CCR2: variants seen among roughly 807,000 people sequenced by gnomAD.
CCR2 encodes the protein C-C chemokine receptor type 2.
For missense variants in CCR2, 408 were observed against 440.0 expected (o/e 0.93, Z 0.65); for synonymous variants, 183 against 177.1 (o/e 1.03, Z -0.27).
In CCR2 at chr3:46,358,778, G is replaced by T; in HGVS notation, c.*168G>T. 7.1e-7 allele frequency: 1 copy of T among 1,416,116 alleles called. No homozygotes were observed. The highest frequency in any genetic ancestry group is 9.2e-7 in the Non-Finnish European group (1 of 1,081,696). The allele number at this position is 1,416,116 out of a possible 1,614,324, so 87.7% of individuals were successfully genotyped here. ...GTCACCCAATGCATATCCAACATGT[G>T]CTCAGGGAATAATCCAGAAAAACTG... On this transcript the variant is annotated 3_prime_UTR_variant, in exon 2 of 2. Transcript: ENST00000445132.
rs1393017501 is a variant in CCR2 at position 46,360,834 on chromosome 3, A to G, written c.*2224A>G. On this transcript the variant is annotated 3_prime_UTR_variant, in exon 2 of 2. Coordinates refer to ENST00000445132, the MANE Select transcript of CCR2 (RefSeq NM_001123396.4). Reference sequence around the variant, plus strand: ...ATATTTGTATGATCCTAATGAATGCATAAAATGTTAAGTTGATGGTGATGA... The same window carrying G: ...ATATTTGTATGATCCTAATGAATGCGTAAAATGTTAAGTTGATGGTGATGA... The G allele has an allele frequency of 3.9e-5, 6 of 152,262 alleles. No individual in the cohort carries two copies. The highest frequency in any genetic ancestry group is 1.4e-4 in the African/African-American group (6 of 41,474). 9.4% of individuals were successfully genotyped at this position (152,262 alleles called of 1,614,324 possible).
rs1220722195 is a variant in CCR2, at chr3:46,360,905, A to G, written c.*2295A>G. ...CAACTATGATTTGGAAAATAAATCAATGCTATAACTATGTTGATAAAAGAT... is the reference window on the plus strand; with the variant it reads ...CAACTATGATTTGGAAAATAAATCAGTGCTATAACTATGTTGATAAAAGAT... On this transcript the variant is annotated 3_prime_UTR_variant, in exon 2 of 2. Transcript: ENST00000445132. 6.6e-6 allele frequency: 1 copy of G among 152,262 alleles called. No homozygotes were observed. Among genetic ancestry groups the G allele is most frequent in the Non-Finnish European group, 1.5e-5 (1 of 68,048 alleles). The allele number at this position is 152,262 out of a possible 1,614,324, so 9.4% of individuals were successfully genotyped here.
At chr3:46,355,215 G>T (rs3918378) in intron 1 of CCR2, among the ~76,000 whole-genome samples, 8,839 of 152,182 alleles carry the variant, frequency 0.058, 845 homozygotes, top group African/African-American at 0.2. Flanking sequence ...AGTGTTATGT[G>T]ATAAGAGTAA....
In CCR2 at chr3:46,359,965, G is replaced by A; in HGVS notation, c.*1355G>A. Reference sequence around the variant, plus strand: ...GTCTACGTTACCAGGCAGGAAGGCTGAGAGGAGAGAGACTCCAGCTGGGTT... The same window carrying A: ...GTCTACGTTACCAGGCAGGAAGGCTAAGAGGAGAGAGACTCCAGCTGGGTT... On this transcript the variant is annotated 3_prime_UTR_variant, in exon 2 of 2. Transcript: ENST00000445132. The A allele has an allele frequency of 9.2e-7, 1 of 1,081,746 alleles. No individual in the cohort carries two copies. Among genetic ancestry groups the A allele is most frequent in the Non-Finnish European group, 1.3e-6 (1 of 748,086 alleles). 67.0% of individuals were successfully genotyped at this position (1,081,746 alleles called of 1,614,324 possible). A position where few individuals can be genotyped will look rare whatever the true frequency, so the allele number is the denominator to read the frequency against.
chr3:46,354,555 C>T (rs750675458), intron 1 of CCR2, among the ~76,000 whole-genome samples: 8 of 152,166 alleles, frequency 5.3e-5, no homozygotes, highest in Non-Finnish European at 1.2e-4. Flanking sequence ...GTGTCCCTTG[C>T]CTCAACTCAG....
Position 46,360,656 on chromosome 3 carries a change from T to C in CCR2, c.*2046T>C, listed in dbSNP as rs1333198698. ...AATGTTCTTATGTTGCCCAGTGTGT[T>C]TCTGATCTGATGCAAGCAAGAAACA... On this transcript the variant is annotated 3_prime_UTR_variant, in exon 2 of 2. Transcript: ENST00000445132. The C allele has an allele frequency of 6.6e-6, 1 of 152,182 alleles. No individual in the cohort carries two copies. Among genetic ancestry groups the C allele is most frequent in the African/African-American group, 2.4e-5 (1 of 41,444 alleles). The allele number at this position is 152,182 out of a possible 1,614,324, so 9.4% of individuals were successfully genotyped here.
At position 46,358,392 on chromosome 3, in the gene CCR2, G is replaced by A; in HGVS notation, c.865G>A (p.Val289Met). 2 of 1,614,102 alleles carry A rather than the reference G, an allele frequency of 1.2e-6. No homozygotes were observed. The highest frequency in any genetic ancestry group is 3.3e-4 in the Middle Eastern group (2 of 6,062). ...CAGTCAACTGGACCAAGCCACGCAG[G>A]TGACAGAGACTCTTGGGATGACTCA... is the stretch of plus-strand genomic sequence containing the variant. The part of the protein sequence containing the change: ...STSQLDQATQ[V>M]TETLGMTHCC... The change falls in exon 2 of 2, where the codon GTG becomes ATG. Residue 289 changes from valine (V) to methionine (M), a missense_variant. Physicochemically the swap from Val to Met is conservative, Grantham distance 21 (BLOSUM62 1). Transcript: ENST00000445132.
chr3:46,356,181 T>G (rs1701448429), intron 1 of CCR2, among the ~76,000 whole-genome samples: 1 of 152,218 alleles, frequency 6.6e-6, no homozygotes, highest in Non-Finnish European at 1.5e-5. Context: ...GAAATTCAAC[T>G]CTAAGGCTTA....
rs765450675 is a variant in CCR2 at position 46,359,864 on chromosome 3, C to G, written c.*1254C>G. On this transcript the variant is annotated 3_prime_UTR_variant, in exon 2 of 2. Transcript: ENST00000445132. ...TCAGGACAAAGAAGGAGCCTAGAGACAGAAATGACAGATCTCTGCTTTGGA... is the reference window on the plus strand; with the variant it reads ...TCAGGACAAAGAAGGAGCCTAGAGAGAGAAATGACAGATCTCTGCTTTGGA... 6.2e-7 allele frequency: 1 copy of G among 1,611,370 alleles called. No homozygotes were observed. The highest frequency in any genetic ancestry group is 1.1e-5 in the South Asian group (1 of 90,756).
Position 46,358,828 on chromosome 3 carries a change from A to G in CCR2, c.*218A>G. The stretch of plus-strand genomic sequence containing the variant: ...GTGGGTAGAGACTTTGACTCTCCAG[A>G]AAGCTCATCTCAGCTCCTGAAAAAT... On this transcript the variant is annotated 3_prime_UTR_variant, in exon 2 of 2. Transcript: ENST00000445132. 1 of 1,331,578 alleles carries G rather than the reference A, an allele frequency of 7.5e-7. No individual in the cohort carries two copies. Among genetic ancestry groups the G allele is most frequent in the South Asian group, 2.1e-5 (1 of 47,334 alleles). 82.5% of individuals were successfully genotyped at this position (1,331,578 alleles called of 1,614,324 possible). A position where few individuals can be genotyped will look rare whatever the true frequency, so the allele number is the denominator to read the frequency against.
intron 1 of CCR2, chr3:46,355,083 G>C (rs1701427698): frequency 6.6e-6 from 1 of 152,192 alleles, no homozygotes; most frequent in Non-Finnish European, 1.5e-5. Context: ...AACATTTATT[G>C]GTGCCTCCTT....
Position 46,359,002 on chromosome 3 carries a change from G to A in CCR2, c.*392G>A. On this transcript the variant is annotated 3_prime_UTR_variant, in exon 2 of 2. Coordinates refer to ENST00000445132, the MANE Select transcript of CCR2 (RefSeq NM_001123396.4). Reference sequence around the variant, plus strand: ...CAGATGAATGGGAGTGAGGGATAGTGGGGTCAGGGCTGAGAGGAGAAGGAG... The same window carrying A: ...CAGATGAATGGGAGTGAGGGATAGTAGGGTCAGGGCTGAGAGGAGAAGGAG... 4 of 1,047,994 alleles carry A rather than the reference G, an allele frequency of 3.8e-6. No homozygotes were observed. Among genetic ancestry groups the A allele is most frequent in the Non-Finnish European group, 4.7e-6 (4 of 858,782 alleles). The allele number at this position is 1,047,994 out of a possible 1,614,324, so 64.9% of individuals were successfully genotyped here. A position where few individuals can be genotyped will look rare whatever the true frequency, so the allele number is the denominator to read the frequency against.
In CCR2 at chr3:46,357,901, T is replaced by G. The variant is rs1411421663; in HGVS notation, c.374T>G (p.Phe125Cys). The G allele has an allele frequency of 1.2e-6, 2 of 1,614,218 alleles. No individual in the cohort carries two copies. The highest frequency in any genetic ancestry group is 2.2e-5 in the South Asian group (2 of 91,090). Residue 125 changes from phenylalanine (F) to cysteine (C), a missense_variant, in exon 2 of 2, where the codon TTT (phenylalanine) becomes TGT (cysteine). Coordinates refer to ENST00000445132, the MANE Select transcript of CCR2 (RefSeq NM_001123396.4). Reference sequence around the variant, plus strand: ...ACAGGGCTGTATCACATCGGTTATTTTGGCGGAATCTTCTTCATCATCCTC... The same window carrying G: ...ACAGGGCTGTATCACATCGGTTATTGTGGCGGAATCTTCTTCATCATCCTC... ...LFTGLYHIGY[F>C]GGIFFIILLT...
chr3:46,358,549 A>G lies in CCR2; in HGVS notation c.1022A>G (p.Asp341Gly). Residue 341 changes from aspartate (D) to glycine (G), a missense_variant, in exon 2 of 2, where the codon GAT becomes GGT. Transcript: ENST00000445132. Reference sequence around the variant, plus strand: ...CCAGTTTTCTACAGGGAGACAGTGGATGGAGTGACTTCAACAAACACGCCT... The same window carrying G: ...CCAGTTTTCTACAGGGAGACAGTGGGTGGAGTGACTTCAACAAACACGCCT... ...QCPVFYRETVDGVTSTNTPST... is the reference protein window; with the variant it reads ...QCPVFYRETVGGVTSTNTPST... 1 of 1,610,628 alleles carries G rather than the reference A, an allele frequency of 6.2e-7. No individual in the cohort carries two copies. The highest frequency in any genetic ancestry group is 8.5e-7 in the Non-Finnish European group (1 of 1,178,496).
rs953908733 is a variant in CCR2, at chr3:46,360,784, G to A, written c.*2174G>A. The A allele has an allele frequency of 6.6e-6, 1 of 152,204 alleles. No individual in the cohort carries two copies. Among genetic ancestry groups the A allele is most frequent in the Non-Finnish European group, 1.5e-5 (1 of 68,042 alleles). 9.4% of individuals were successfully genotyped at this position (152,204 alleles called of 1,614,324 possible). On this transcript the variant is annotated 3_prime_UTR_variant, in exon 2 of 2. Transcript: ENST00000445132. ...AAAGAAGGTTTCAGAAAGAAGTGGG[G>A]ACAGAGCAGAACTTTCACCTTCATA...
chr3:46,355,230 A>G (rs1362096040), intron 1 of CCR2, among the ~76,000 whole-genome samples: 1 of 152,202 alleles, frequency 6.6e-6, no homozygotes, highest in Non-Finnish European at 1.5e-5. Context: ...GAGTAATATG[A>G]CAGAGGATAC....
Position 46,359,590 on chromosome 3 carries a change from A to T in CCR2, c.*980A>T. ...GGAAGGCTGCATCAGAACCCAGTAA[A>T]GCTTCTTGTCTGGATCTGAGCTGGT... On this transcript the variant is annotated 3_prime_UTR_variant, in exon 2 of 2. Coordinates refer to ENST00000445132, the MANE Select transcript of CCR2 (RefSeq NM_001123396.4). 3.7e-6 allele frequency: 5 copies of T among 1,345,706 alleles called. No homozygotes were observed. The highest frequency in any genetic ancestry group is 5.1e-6 in the Non-Finnish European group (5 of 986,640). The allele number at this position is 1,345,706 out of a possible 1,614,324, so 83.4% of individuals were successfully genotyped here.
Position 46,358,739 on chromosome 3 carries a change from C to A in CCR2, c.*129C>A. Reference sequence around the variant, plus strand: ...CCCAGGAACCTCAGGGCTGTGTGTACTAATACAGACTATGTCACCCAATGC... The same window carrying A: ...CCCAGGAACCTCAGGGCTGTGTGTAATAATACAGACTATGTCACCCAATGC... On this transcript the variant is annotated 3_prime_UTR_variant, in exon 2 of 2. Coordinates refer to ENST00000445132, the MANE Select transcript of CCR2 (RefSeq NM_001123396.4). 3 of 1,452,350 alleles carry A rather than the reference C, an allele frequency of 2.1e-6. No individual in the cohort carries two copies. The highest frequency in any genetic ancestry group is 2.7e-6 in the Non-Finnish European group (3 of 1,101,752). The allele number at this position is 1,452,350 out of a possible 1,614,324, so 90.0% of individuals were successfully genotyped here.
In CCR2 at chr3:46,359,472, A is replaced by C; in HGVS notation, c.*862A>C. 1 of 1,031,832 alleles carries C rather than the reference A, an allele frequency of 9.7e-7. No homozygotes were observed. Among genetic ancestry groups the C allele is most frequent in the Non-Finnish European group, 1.3e-6 (1 of 751,414 alleles). 63.9% of individuals were successfully genotyped at this position (1,031,832 alleles called of 1,614,324 possible). The stretch of plus-strand genomic sequence containing the variant: ...GGTAGTGATTATGAGAAGGGGGTGG[A>C]GAATGATGAGTTCCTTCACCAGGAG... On this transcript the variant is annotated 3_prime_UTR_variant, in exon 2 of 2. Coordinates refer to ENST00000445132, the MANE Select transcript of CCR2 (RefSeq NM_001123396.4).
Sources: gnomAD v4.1 joint callset for allele counts (sites outside exome capture counted in the v4.1 genomes callset) on GRCh38, gnomAD v4.1.1 for gene constraint, MANE v1.5 for transcripts, NCBI Gene and HGNC (gene_info 2026-07-23, HGNC 2026-07-21) for gene names.